Variants in ARID4A observed in about 807,000 individuals in gnomAD.
ARID4A encodes the protein AT-rich interactive domain-containing protein 4A.
ARID4A carries 39 observed loss-of-function variants against 148.6 expected under a neutral mutation model. The observed-to-expected ratio is 0.26, with a 90% CI of 0.20 to 0.34. The LOEUF is 0.34. Among genes scored for constraint, ARID4A ranks in the 10% least tolerant of loss-of-function variants. The probability of loss-of-function intolerance (pLI) is 1.00; values close to 1 mark genes in which losing one functional copy is unlikely to be tolerated. For synonymous variants in ARID4A, 475 were observed against 481.2 expected (o/e 0.99, Z 0.17); for missense variants, 1,265 against 1,449.1 (o/e 0.87, Z 2.06).
intron 11 of ARID4A, among the ~76,000 whole-genome samples, chr14:58,332,373 T>C (rs1049322771): frequency 6.6e-6 from 1 of 152,146 alleles, no homozygotes; most frequent in Non-Finnish European, 1.5e-5. Flanking sequence ...CACTGATTCA[T>C]ATGATTATTT....
intron 17 of ARID4A, among the ~76,000 whole-genome samples, chr14:58,354,509 C>A (rs1024539929): frequency 2.0e-5 from 3 of 151,556 alleles, no homozygotes; most frequent in Non-Finnish European, 4.4e-5. Context: ...ATAGTTAGAC[C>A]CCCATCTCTA....
At chr14:58,319,948 CTTT>C (rs1011938946) in intron 7 of ARID4A, among the ~76,000 whole-genome samples, 1 of 127,182 alleles carries the variant, frequency 7.9e-6, no homozygotes, top group Admixed American at 8.0e-5. Flanking sequence ...TTTTTCTTTT[CTTT>C]TTTTTTTTTT....
Position 58,346,371 on chromosome 14 carries a change from T to C in ARID4A, c.980-40T>C, listed in dbSNP as rs767934218. 6 of 1,419,488 alleles carry C rather than the reference T, an allele frequency of 4.2e-6. No homozygotes were observed. In the East Asian group the frequency reaches 9.2e-5, roughly 22 times the overall value. The allele number at this position is 1,419,488 out of a possible 1,614,324, so 87.9% of individuals were successfully genotyped here. ...TTGTTTTCAAATTAGTATTTCTCAT[T>C]TGAATAAACATTTTATTTCTACCTA... On this transcript the variant is annotated intron_variant, in intron 12 of 23. Transcript: ENST00000355431.
chr14:58,350,349 T>C (rs2034578987), intron 15 of ARID4A, among the ~76,000 whole-genome samples: 1 of 152,180 alleles, frequency 6.6e-6, no homozygotes, highest in Non-Finnish European at 1.5e-5. Context: ...TTTATCTGCT[T>C]TATTCCAAGA....
At chr14:58,324,456 A>G (rs990532841) in intron 8 of ARID4A, among the ~76,000 whole-genome samples, 2 of 151,596 alleles carry the variant, frequency 1.3e-5, no homozygotes, top group African/African-American at 2.4e-5. Flanking sequence ...TTTATTTTTT[A>G]TTTTTTGTAG....
chr14:58,337,897 T>A (rs539126210), intron 11 of ARID4A, among the ~76,000 whole-genome samples: 23 of 152,180 alleles, frequency 1.5e-4, no homozygotes, highest in Non-Finnish European at 3.1e-4. Context: ...AAGTCTGGGT[T>A]TTTTATCACA....
chr14:58,307,974 A>G (rs1454205865), intron 5 of ARID4A, among the ~76,000 whole-genome samples: 1 of 147,526 alleles, frequency 6.8e-6, no homozygotes, highest in Admixed American at 6.9e-5. Flanking sequence ...TGCACCTTAT[A>G]TTTTAACTCA....
Position 58,353,693 on chromosome 14 carries a change from A to C in ARID4A, c.1691A>C (p.Glu564Ala), listed in dbSNP as rs377735572. The C allele has an allele frequency of 3.1e-6, 5 of 1,613,928 alleles. No homozygotes were observed. The highest frequency in any genetic ancestry group is 4.2e-6 in the Non-Finnish European group (5 of 1,179,986). ...GAAAGCAAATGTGACTCTGAAGGAG[A>C]GGAAGATGAGGAAGACATGGAACCC... The part of the protein sequence containing the change: ...ETESKCDSEG[E>A]EDEEDMEPCL... The change falls in exon 17 of 24, where the codon GAG (glutamate) becomes GCG (alanine). Residue 564 changes from glutamate (E) to alanine (A), a missense_variant. Physicochemically the swap from Glu to Ala is moderately radical, Grantham distance 107. This residue lies in a region of ARID4A where 205 missense variants were observed against 196.9 expected (regional missense o/e 1.04). Transcript: ENST00000355431.
chr14:58,318,916 T>G lies in ARID4A; in HGVS notation c.449+111T>G, dbSNP rs1040231804. 4 of 803,322 alleles carry G rather than the reference T, an allele frequency of 5.0e-6. No individual in the cohort carries two copies. In the African/African-American group the frequency reaches 6.9e-5, roughly 14 times the overall value. The allele number at this position is 803,322 out of a possible 1,614,324, so 49.8% of individuals were successfully genotyped here. ...TGGGTAAGCTTTCCATAGCATATTG[T>G]ATCCTTATGTTAGACATTTTACCCT... On this transcript the variant is annotated intron_variant, in intron 7 of 23. Coordinates refer to ENST00000355431, the MANE Select transcript of ARID4A (RefSeq NM_002892.4).
At chr14:58,303,451 C>A in intron 3 of ARID4A, 1 of 448,590 alleles carries the variant, frequency 2.2e-6, no homozygotes, top group Non-Finnish European at 4.7e-6. Flanking sequence ...TTTACTGTGC[C>A]AGTCATAAAA....
chr14:58,299,775 C>G, intron 1 of ARID4A, 23 bp from the exon 2 acceptor site: 1 of 1,595,028 alleles, frequency 6.3e-7, no homozygotes, highest in South Asian at 1.1e-5. Flanking sequence ...TATGTCTGTG[C>G]CTGTCTTTCC....
At chr14:58,306,330 G>A (rs1347007695) in intron 5 of ARID4A, among the ~76,000 whole-genome samples, 2 of 152,258 alleles carry the variant, frequency 1.3e-5, no homozygotes, top group Non-Finnish European at 2.9e-5. Context: ...ATCCAAAAAT[G>A]TACTTCTATT....
chr14:58,347,459 G>A (rs555009424), intron 14 of ARID4A, among the ~76,000 whole-genome samples, 188 bp from the exon 15 acceptor site: 15 of 152,004 alleles, frequency 9.9e-5, no homozygotes, highest in Non-Finnish European at 1.6e-4. Flanking sequence ...GTCTCAGGAC[G>A]GCATTTTATG....
intron 11 of ARID4A, among the ~76,000 whole-genome samples, chr14:58,333,071 C>T (rs1364164978): frequency 6.6e-6 from 1 of 151,912 alleles, no homozygotes; most frequent in Non-Finnish European, 1.5e-5. Context: ...ATTTGAATTC[C>T]TAAGTATTGG....
chr14:58,362,943 A>G (rs1398927910), intron 19 of ARID4A, among the ~76,000 whole-genome samples: 5 of 152,164 alleles, frequency 3.3e-5, no homozygotes, highest in Non-Finnish European at 7.3e-5. Context: ...CATGTTTGCT[A>G]TTAGTCCATA....
chr14:58,328,444 C>T (rs1243490774), intron 9 of ARID4A, 128 bp downstream of exon 9: 1 of 557,874 alleles, frequency 1.8e-6, no homozygotes, highest in Non-Finnish European at 3.0e-6. Context: ...GAAGTTGTTA[C>T]CTAATAGGTT....
In ARID4A at chr14:58,351,267, A is replaced by G; in HGVS notation, c.1599A>G (p.Lys533=). 12 of 1,610,942 alleles carry G rather than the reference A, an allele frequency of 7.4e-6. No homozygotes were observed. The highest frequency in any genetic ancestry group is 1.3e-5 in the African/African-American group (1 of 74,632). The change falls in exon 16 of 24, where the codon AAA becomes AAG. Residue 533 remains lysine (K), a synonymous_variant. Coordinates refer to ENST00000355431, the MANE Select transcript of ARID4A (RefSeq NM_002892.4). ...CAAAGCAAAAAGAGAAGAAAATTAA[A>G]AAACAGGAGGATTCTGACAAAGACT... ...NTPKQKEKKI[K]KQEDSDKDSD...
At chr14:58,335,633 T>C (rs1305255477) in intron 11 of ARID4A, among the ~76,000 whole-genome samples, 1 of 152,144 alleles carries the variant, frequency 6.6e-6, no homozygotes, top group Non-Finnish European at 1.5e-5. Flanking sequence ...TCTTAACTTG[T>C]ACGTACTCAG....
At position 58,365,593 on chromosome 14, in the gene ARID4A, C is replaced by T. The variant is rs771961228; in HGVS notation, c.3287C>T (p.Ala1096Val). Residue 1096 changes from alanine to valine, a missense_variant, in exon 21 of 24, where the codon GCT becomes GTT. Physicochemically the swap from Ala to Val is moderately conservative, Grantham distance 64. This residue lies in a region of ARID4A where 666 missense variants were observed against 730.9 expected (regional missense o/e 0.91). Coordinates refer to ENST00000355431, the MANE Select transcript of ARID4A (RefSeq NM_002892.4). ...AAGCGTACCCCAAAGCGAACAAGTG[C>T]TGCAGCCAAAAATGAAAAGAATGGA... The part of the protein sequence containing the change: ...KQKRTPKRTS[A>V]AAKNEKNGTG... The T allele has an allele frequency of 6.2e-7, 1 of 1,609,896 alleles. No individual in the cohort carries two copies. Among genetic ancestry groups the T allele is most frequent in the African/African-American group, 1.3e-5 (1 of 74,090 alleles).
Sources: allele counts gnomAD v4.1 joint callset (sites outside exome capture counted in the v4.1 genomes callset), GRCh38; gene constraint gnomAD v4.1.1; regional missense constraint gnomAD v4.1.1; transcripts MANE v1.5; gene names NCBI Gene and HGNC (gene_info 2026-07-23, HGNC 2026-07-21).